NRG3: variants seen among roughly 807,000 people sequenced by gnomAD.
NRG3 encodes pro-neuregulin-3, membrane-bound isoform.
A neutral mutation model predicts 66.9 loss-of-function variants in NRG3; 31 were observed. The observed-to-expected ratio is 0.46, with a 90% CI of 0.35 to 0.63. The LOEUF is 0.63. Ranked by LOEUF, NRG3 falls within the 20% of genes least tolerant of loss-of-function variation. The pLI is 0.00. For synonymous variants in NRG3, 393 were observed against 359.4 expected (o/e 1.09, Z -1.06); for missense variants, 910 against 878.9 (o/e 1.04, Z -0.45).
At chr10:82,082,100 C>A (rs1341209897) in intron 1 of NRG3, among the ~76,000 whole-genome samples, 1 of 152,194 alleles carries the variant, frequency 6.6e-6, no homozygotes, top group East Asian at 1.9e-4. Flanking sequence ...TTCATTTTAA[C>A]CTAAGGTTGT....
At chr10:82,697,361 TA>T (rs933721806) in intron 2 of NRG3, among the ~76,000 whole-genome samples, 43 of 151,776 alleles carry the variant, frequency 2.8e-4, no homozygotes, top group East Asian at 1.6e-3. Context: ...AAAAGTTTTG[TA>T]AAAAAAAATT....
chr10:82,057,996 A>G (rs1342366956), intron 1 of NRG3, among the ~76,000 whole-genome samples: 1 of 150,310 alleles, frequency 6.7e-6, no homozygotes, highest in East Asian at 1.9e-4. Flanking sequence ...TTCTTTGTAA[A>G]GCCTTCTAAA....
intron 3 of NRG3, among the ~76,000 whole-genome samples, chr10:82,763,659 C>A (rs1313710570): frequency 6.8e-6 from 1 of 147,888 alleles, no homozygotes. Flanking sequence ...TGAACACTTC[C>A]CATGTTCAAA....
At chr10:82,836,252 G>A (rs932092299) in intron 3 of NRG3, among the ~76,000 whole-genome samples, 1 of 151,938 alleles carries the variant, frequency 6.6e-6, no homozygotes, top group African/African-American at 2.4e-5. Context: ...TTACTATCTG[G>A]CCTTTTATAA....
intron 1 of NRG3, among the ~76,000 whole-genome samples, chr10:82,217,873 G>A (rs753038723): frequency 1.3e-5 from 2 of 151,934 alleles, no homozygotes; most frequent in Non-Finnish European, 1.5e-5. Context: ...TATTAGTTTT[G>A]TATTACTCAA....
rs531556941 is a variant in NRG3 at position 82,548,445 on chromosome 10, AT to A, written c.953+189578del. The stretch of plus-strand genomic sequence containing the variant: ...TATCTCATTGATACTTATTGTCTGA[AT>A]AATCATGGCCTTGTTACCTATAGCT... On this transcript the variant is annotated intron_variant, in intron 2 of 8. Transcript: ENST00000372141. 3.6e-3 allele frequency among the ~76,000 whole-genome samples: 540 copies of A among 152,060 alleles called. 1 individual carries two copies. Among genetic ancestry groups the A allele is most frequent in the Non-Finnish European group, 5.5e-3 (376 of 67,966 alleles).
intron 2 of NRG3, among the ~76,000 whole-genome samples, chr10:82,457,165 G>T (rs1173340678): frequency 1.3e-5 from 2 of 151,860 alleles, no homozygotes; most frequent in Non-Finnish European, 2.9e-5. Flanking sequence ...CCTCTATTAA[G>T]CTGGTCTATT....
chr10:82,674,885 G>A (rs1461068026), intron 2 of NRG3, among the ~76,000 whole-genome samples: 9 of 151,896 alleles, frequency 5.9e-5, no homozygotes, highest in Non-Finnish European at 1.2e-4. Flanking sequence ...ACACCATGGG[G>A]GAGAGGGAAT....
chr10:82,189,042 T>C (rs1223664226), intron 1 of NRG3, among the ~76,000 whole-genome samples: 1 of 152,068 alleles, frequency 6.6e-6, no homozygotes, highest in Non-Finnish European at 1.5e-5. Flanking sequence ...TTAAGTAAAC[T>C]GGATATTCAC....
intron 2 of NRG3, among the ~76,000 whole-genome samples, chr10:82,649,955 G>A (rs146285484): frequency 0.01 from 1,569 of 152,192 alleles, 26 homozygotes; most frequent in African/African-American, 0.037. Flanking sequence ...CATTGGCAGT[G>A]AAAGACTATC....
chr10:82,669,570 C>T (rs2053086787), intron 2 of NRG3, among the ~76,000 whole-genome samples: 1 of 152,096 alleles, frequency 6.6e-6, no homozygotes, highest in Non-Finnish European at 1.5e-5. Flanking sequence ...CATAAAGAAA[C>T]TTTGCCATTG....
intron 1 of NRG3, among the ~76,000 whole-genome samples, chr10:82,056,768 T>G (rs1360972026): frequency 6.6e-6 from 1 of 152,218 alleles, no homozygotes; most frequent in Non-Finnish European, 1.5e-5. Context: ...AATTCCAGGT[T>G]AACAATTATG....
chr10:82,081,514 G>C (rs2065392271), intron 1 of NRG3, among the ~76,000 whole-genome samples: 1 of 152,168 alleles, frequency 6.6e-6, no homozygotes, highest in Non-Finnish European at 1.5e-5. Context: ...CAGAATGATA[G>C]ATGATAGATT....
chr10:81,945,398 GA>G (rs1366561409), intron 1 of NRG3, among the ~76,000 whole-genome samples: 3 of 152,122 alleles, frequency 2.0e-5, no homozygotes, highest in Non-Finnish European at 2.9e-5. Flanking sequence ...TTCACTGAAT[GA>G]ATGAAAACAA....
intron 1 of NRG3, among the ~76,000 whole-genome samples, chr10:81,895,470 G>C (rs1843431259): frequency 6.6e-6 from 1 of 152,084 alleles, no homozygotes. Context: ...GGAGGCTTTT[G>C]GATTTCATTT....
intron 2 of NRG3, among the ~76,000 whole-genome samples, chr10:82,737,049 C>G (rs1010792965): frequency 6.6e-6 from 1 of 152,060 alleles, no homozygotes; most frequent in Non-Finnish European, 1.5e-5. Context: ...ACAAATATGA[C>G]TCAGTACAAA....
At chr10:82,308,898 C>T (rs2080884035) in intron 1 of NRG3, among the ~76,000 whole-genome samples, 1 of 152,152 alleles carries the variant, frequency 6.6e-6, no homozygotes, top group Non-Finnish European at 1.5e-5. Flanking sequence ...CGTGGGTTCT[C>T]TACTAAGGAG....
At chr10:82,743,031 G>A (rs558204864) in intron 3 of NRG3, among the ~76,000 whole-genome samples, 4 of 152,184 alleles carry the variant, frequency 2.6e-5, no homozygotes, top group South Asian at 2.1e-4. Flanking sequence ...AATGCAGTGG[G>A]GTAGAGAAGA....
At position 82,027,626 on chromosome 10, in the gene NRG3, T is replaced by G. The variant is rs183955659; in HGVS notation, c.823+151463T>G. On this transcript the variant is annotated intron_variant, in intron 1 of 8. Transcript: ENST00000372141. The stretch of plus-strand genomic sequence containing the variant: ...ATTGGTGTGCCCTTGCTCATTTTCT[T>G]GAGTGTTTCTCAATTCAAAACTCAA... Among the ~76,000 whole-genome samples the G allele has an allele frequency of 8.5e-5, 13 of 152,268 alleles. No homozygotes were observed. In the East Asian group the frequency reaches 2.5e-3, roughly 29 times the overall value.
Sources: gnomAD v4.1 joint callset for allele counts (sites outside exome capture counted in the v4.1 genomes callset) on GRCh38, gnomAD v4.1.1 for gene constraint, MANE v1.5 for transcripts, NCBI Gene and HGNC (gene_info 2026-07-23, HGNC 2026-07-21) for gene names.